Variants in KATNAL1 observed in about 807,000 individuals in gnomAD.
KATNAL1 encodes katanin catalytic subunit A1 like 1.
In KATNAL1, 32 loss-of-function variants were observed where a neutral mutation model predicts 55.2. The observed-to-expected ratio is 0.58, with a 90% CI of 0.44 to 0.78. KATNAL1 has a LOEUF of 0.78. Among genes scored for constraint, KATNAL1 ranks in the 30% least tolerant of loss-of-function variants. The pLI is 0.00. For synonymous variants in KATNAL1, 193 were observed against 193.6 expected (o/e 1.00, Z 0.02); for missense variants, 466 against 600.9 (o/e 0.78, Z 2.35).
At chr13:30,218,171 T>C (rs567690607) in intron 9 of KATNAL1, among the ~76,000 whole-genome samples, 27 of 147,836 alleles carry the variant, frequency 1.8e-4, no homozygotes, top group African/African-American at 6.8e-4. Context: ...TAGACACAGA[T>C]AGGATACATA....
At chr13:30,298,540 G>A (rs1177580028) in intron 1 of KATNAL1, among the ~76,000 whole-genome samples, 1 of 152,108 alleles carries the variant, frequency 6.6e-6, no homozygotes, top group Non-Finnish European at 1.5e-5. Flanking sequence ...CACTATGAGG[G>A]AGAATTAATA....
At chr13:30,267,979 G>A (rs1478681206) in intron 3 of KATNAL1, among the ~76,000 whole-genome samples, 1 of 152,180 alleles carries the variant, frequency 6.6e-6, no homozygotes, top group Non-Finnish European at 1.5e-5. Flanking sequence ...TGGTAAAAGC[G>A]TAGAATTTTA....
intron 1 of KATNAL1, among the ~76,000 whole-genome samples, chr13:30,289,167 A>C (rs1881979965): frequency 6.6e-6 from 1 of 152,254 alleles, no homozygotes; most frequent in African/African-American, 2.4e-5. Flanking sequence ...TTAACACTTC[A>C]AACTCAGCCT....
chr13:30,232,019 T>C (rs1267582356), intron 6 of KATNAL1, among the ~76,000 whole-genome samples: 2 of 152,216 alleles, frequency 1.3e-5, no homozygotes, highest in Admixed American at 6.5e-5. Flanking sequence ...GCAAGATTTG[T>C]ATCATTTTAA....
chr13:30,255,418 G>C (rs1280027986), intron 4 of KATNAL1, 29 bp downstream of exon 4: 4 of 1,441,836 alleles, frequency 2.8e-6, no homozygotes, highest in Non-Finnish European at 3.7e-6. Context: ...GGCTTCAAGT[G>C]AGTGAATTAC....
At chr13:30,243,763 A>AT (rs1877512470) in intron 4 of KATNAL1, among the ~76,000 whole-genome samples, 1 of 152,156 alleles carries the variant, frequency 6.6e-6, no homozygotes. Context: ...ATTACTGGCC[A>AT]ATTAGTAATA....
chr13:30,264,067 C>T (rs1253899030), intron 3 of KATNAL1, among the ~76,000 whole-genome samples: 9 of 149,722 alleles, frequency 6.0e-5, no homozygotes, highest in Admixed American at 2.0e-4. Context: ...TCAGAAATAA[C>T]GCCGCATATC....
At chr13:30,209,722 A>G (rs1187592825) in intron 10 of KATNAL1, among the ~76,000 whole-genome samples, 2 of 152,278 alleles carry the variant, frequency 1.3e-5, no homozygotes, top group Non-Finnish European at 2.9e-5. Context: ...AGGCTCCAAC[A>G]CAAAGCTAAA....
chr13:30,304,792 C>A (rs1331558846), intron 1 of KATNAL1, among the ~76,000 whole-genome samples: 3 of 152,180 alleles, frequency 2.0e-5, no homozygotes, highest in Non-Finnish European at 4.4e-5. Context: ...CAACTAATAT[C>A]TTTATATTTC....
At chr13:30,256,825 T>C (rs923927214) in intron 3 of KATNAL1, among the ~76,000 whole-genome samples, 1 of 152,196 alleles carries the variant, frequency 6.6e-6, no homozygotes, top group East Asian at 1.9e-4. Context: ...ATCTATGAGG[T>C]AAACATACAC....
chr13:30,230,211 A>G (rs1165184138), intron 8 of KATNAL1, among the ~76,000 whole-genome samples: 1 of 152,186 alleles, frequency 6.6e-6, no homozygotes, highest in Non-Finnish European at 1.5e-5. Context: ...TCATGCCTCC[A>G]GAAACTTTGC....
intron 9 of KATNAL1, among the ~76,000 whole-genome samples, chr13:30,211,598 T>C (rs1209499251): frequency 6.6e-6 from 1 of 152,246 alleles, no homozygotes; most frequent in Admixed American, 6.5e-5. Context: ...TGTTTACTTT[T>C]TGGTTCATTT....
intron 1 of KATNAL1, among the ~76,000 whole-genome samples, chr13:30,300,644 T>C (rs1882798441): frequency 6.6e-6 from 1 of 152,160 alleles, no homozygotes; most frequent in South Asian, 2.1e-4. Flanking sequence ...TCCTGAAGTA[T>C]GTTTCAAGCA....
intron 6 of KATNAL1, among the ~76,000 whole-genome samples, chr13:30,234,441 T>G (rs1184593934): frequency 3.9e-5 from 6 of 152,192 alleles, no homozygotes; most frequent in Admixed American, 2.0e-4. Flanking sequence ...CTCTCTGACC[T>G]TTGATGCTGC....
chr13:30,210,278 T>C (rs1288654498), intron 10 of KATNAL1, 38 bp downstream of exon 10: 2 of 1,552,542 alleles, frequency 1.3e-6, no homozygotes, highest in Admixed American at 4.0e-5. Flanking sequence ...GCGAAGTCTA[T>C]AACTAATGTC....
rs1289785968 is a variant in KATNAL1, at chr13:30,205,843, G to C, written c.*2697C>G. On this transcript the variant is annotated 3_prime_UTR_variant, in exon 11 of 11. Transcript: ENST00000380615. ...TCTGCAATAAAGACTCTGTGTGTGT[G>C]TATGTGTGTGTATGTGTGTCTGTCT... The C allele has an allele frequency of 6.6e-6, 1 of 151,346 alleles. No individual in the cohort carries two copies. The highest frequency in any genetic ancestry group is 1.4e-5 in the Non-Finnish European group (1 of 69,724). The allele number at this position is 151,346 out of a possible 1,614,324, so 9.4% of individuals were successfully genotyped here.
chr13:30,221,548 C>G (rs1874855021), intron 9 of KATNAL1, among the ~76,000 whole-genome samples: 2 of 152,146 alleles, frequency 1.3e-5, no homozygotes, highest in African/African-American at 4.8e-5. Context: ...CTAAAATTAG[C>G]TGACAAAAAC....
chr13:30,224,488 C>T (rs1176848513), intron 9 of KATNAL1, among the ~76,000 whole-genome samples: 1 of 151,340 alleles, frequency 6.6e-6, no homozygotes, highest in Non-Finnish European at 1.5e-5. Context: ...GAGCTAAGAT[C>T]ATGCCACTGA....
At chr13:30,242,932 A>T (rs972617069) in intron 4 of KATNAL1, among the ~76,000 whole-genome samples, 2 of 152,246 alleles carry the variant, frequency 1.3e-5, no homozygotes, top group Non-Finnish European at 2.9e-5. Flanking sequence ...TTCATAAAAA[A>T]TACTTAAATT....
Sources: gnomAD v4.1 joint callset for allele counts (sites outside exome capture counted in the v4.1 genomes callset) on GRCh38, gnomAD v4.1.1 for gene constraint, MANE v1.5 for transcripts, NCBI Gene and HGNC (gene_info 2026-07-23, HGNC 2026-07-21) for gene names.